TP63: variants seen among roughly 807,000 people sequenced by gnomAD.
The protein encoded by TP63 is tumor protein p63, also known as tumor protein 63.
A neutral mutation model predicts 82.8 loss-of-function variants in TP63; 17 were observed. The ratio of observed to expected loss-of-function variants is 0.21; its 90% CI spans 0.14 to 0.31. The LOEUF is 0.31. Among genes scored for constraint, TP63 ranks in the 10% least tolerant of loss-of-function variants. TP63 has a pLI of 1.00. For missense variants in TP63, 648 were observed against 895.3 expected, an observed-to-expected ratio of 0.72 and a Z score of 3.52; for synonymous variants, 330 against 321.7, an observed-to-expected ratio of 1.03 and a Z score of -0.28.
At chr3:189,677,825 C>A (rs10049472) in intron 1 of TP63, among the ~76,000 whole-genome samples, 77,914 of 151,844 alleles carry the variant, frequency 0.51, 20,601 homozygotes, top group African/African-American at 0.67. Context: ...TTGTGGTTTT[C>A]ATTTGCATTT....
At chr3:189,715,193 G>C (rs4561809) in intron 1 of TP63, among the ~76,000 whole-genome samples, 83,601 of 151,864 alleles carry the variant, frequency 0.55, 23,262 homozygotes, top group Middle Eastern at 0.71. Context: ...TGAGGCCCTA[G>C]AGGACTGCTA....
chr3:189,730,443 C>A (rs796875969), intron 1 of TP63, among the ~76,000 whole-genome samples: 15 of 152,174 alleles, frequency 9.9e-5, no homozygotes, highest in African/African-American at 3.6e-4. Context: ...AGAAATATTC[C>A]TCTTAACTAT....
intron 1 of TP63, among the ~76,000 whole-genome samples, chr3:189,675,571 C>G (rs557736758): frequency 8.6e-5 from 13 of 152,046 alleles, no homozygotes; most frequent in African/African-American, 3.1e-4. Context: ...TAAATATTCC[C>G]CATATTCCCA....
At chr3:189,806,605 CA>C (rs1726937918) in intron 3 of TP63, among the ~76,000 whole-genome samples, 2 of 152,172 alleles carry the variant, frequency 1.3e-5, no homozygotes, top group African/African-American at 4.8e-5. Flanking sequence ...AGTTTGGCCA[CA>C]CCTGCCGGGA....
chr3:189,836,011 C>A (rs1394228105), intron 4 of TP63, among the ~76,000 whole-genome samples: 2 of 151,508 alleles, frequency 1.3e-5, no homozygotes, highest in Non-Finnish European at 1.5e-5. Context: ...CGTCAGACTT[C>A]CTATCAATGG....
chr3:189,756,774 C>A (rs562538993), intron 3 of TP63, among the ~76,000 whole-genome samples: 1 of 152,096 alleles, frequency 6.6e-6, no homozygotes, highest in African/African-American at 2.4e-5. Flanking sequence ...AATGATAGCC[C>A]CAGGGAAATA....
chr3:189,832,387 T>C (rs13087384), intron 4 of TP63, among the ~76,000 whole-genome samples: 9,813 of 152,196 alleles, frequency 0.064, 325 homozygotes, highest in African/African-American at 0.076. Context: ...GTATATATCG[T>C]TCATTACATT....
rs552106651 is a variant in TP63, at chr3:189,758,684, G to A, written c.324+19910G>A. Among the ~76,000 whole-genome samples the A allele has an allele frequency of 3.3e-5, 5 of 152,294 alleles. No individual in the cohort carries two copies. The East Asian group carries it at 9.7e-4, about 29-fold the overall frequency. On this transcript the variant is annotated intron_variant, in intron 3 of 13. Coordinates refer to ENST00000264731, the MANE Select transcript of TP63 (RefSeq NM_003722.5). The stretch of plus-strand genomic sequence containing the variant: ...TCCCTCTGCCTTATGCCCCTCAGTT[G>A]CATTCTTTATTCTGCGGAGGCAAGA...
intron 4 of TP63, among the ~76,000 whole-genome samples, chr3:189,809,411 A>C (rs927910490): frequency 6.6e-6 from 1 of 152,258 alleles, no homozygotes; most frequent in Non-Finnish European, 1.5e-5. Flanking sequence ...GAAATGTATT[A>C]TAACAAGAAT....
intron 3 of TP63, among the ~76,000 whole-genome samples, chr3:189,767,070 A>G (rs1723008092): frequency 6.6e-6 from 1 of 152,204 alleles, no homozygotes; most frequent in Non-Finnish European, 1.5e-5. Flanking sequence ...AAATCTTGCC[A>G]TATAACAAAT....
At chr3:189,806,858 A>G (rs1279554729) in intron 3 of TP63, among the ~76,000 whole-genome samples, 1 of 152,198 alleles carries the variant, frequency 6.6e-6, no homozygotes, top group Non-Finnish European at 1.5e-5. Flanking sequence ...GGAATGGCAA[A>G]GCCCACTTCT....
intron 10 of TP63, among the ~76,000 whole-genome samples, chr3:189,876,279 A>C (rs568544237): frequency 7.9e-5 from 12 of 152,340 alleles, no homozygotes; most frequent in Non-Finnish European, 1.3e-4. Flanking sequence ...TATGGCATAC[A>C]TGAAAATACA....
chr3:189,752,625 A>G (rs935975379), intron 3 of TP63, among the ~76,000 whole-genome samples: 1 of 152,136 alleles, frequency 6.6e-6, no homozygotes, highest in Non-Finnish European at 1.5e-5. Context: ...TGGTCAGCTT[A>G]TCGGTTTCCC....
At chr3:189,631,168 A>C (rs1729436925), upstream of TP63, 3 of 921,404 alleles carry the variant, frequency 3.3e-6, no homozygotes, top group African/African-American at 5.5e-5. Flanking sequence ...AGAAGTTCAG[A>C]GATGCCTCCA....
At chr3:189,724,610 A>G (rs895657568) in intron 1 of TP63, among the ~76,000 whole-genome samples, 5 of 152,190 alleles carry the variant, frequency 3.3e-5, no homozygotes, top group African/African-American at 1.2e-4. Context: ...TTCACTTAGA[A>G]TGACATTCTC....
chr3:189,599,523 G>C, the TP63 span, among the ~76,000 whole-genome samples: 2 of 152,192 alleles, frequency 1.3e-5, no homozygotes, highest in African/African-American at 4.8e-5. Flanking sequence ...TCTTACAAGA[G>C]TGGGAGAATA....
chr3:189,728,973 A>T (rs1365719414), intron 1 of TP63, among the ~76,000 whole-genome samples: 1 of 152,128 alleles, frequency 6.6e-6, no homozygotes, highest in Admixed American at 6.5e-5. Context: ...TTTGCTCAAA[A>T]GAATGAGAGA....
intron 3 of TP63, among the ~76,000 whole-genome samples, chr3:189,787,456 A>T (rs1052332444): frequency 7.9e-5 from 12 of 152,044 alleles, no homozygotes; most frequent in Non-Finnish European, 1.3e-4. Flanking sequence ...TTTTCTTCCA[A>T]CATACTCAAA....
intron 1 of TP63, among the ~76,000 whole-genome samples, chr3:189,719,768 A>G (rs1453585662): frequency 1.3e-5 from 2 of 152,212 alleles, no homozygotes; most frequent in African/African-American, 4.8e-5. Flanking sequence ...TTCTTGAGCC[A>G]GATCTCCTTC....
Sources: allele counts gnomAD v4.1 joint callset (sites outside exome capture counted in the v4.1 genomes callset), GRCh38; gene constraint gnomAD v4.1.1; transcripts MANE v1.5; gene names NCBI Gene and HGNC (gene_info 2026-07-23, HGNC 2026-07-21).